The following ROBO1 variants were observed in gnomAD, a reference collection of about 807,000 sequenced individuals.
The protein encoded by ROBO1 is roundabout guidance receptor 1.
In ROBO1, 149 loss-of-function variants were observed where a neutral mutation model predicts 195.9. That is an observed-to-expected ratio of 0.76 (90% CI 0.67 to 0.87). The LOEUF (loss-of-function observed/expected upper bound fraction) is 0.87, where lower values mean the gene tolerates loss of function less well. Ranked by LOEUF, ROBO1 falls within the 40% of genes least tolerant of loss-of-function variation. ROBO1 has a pLI of 0.00. For missense variants in ROBO1, 1,933 were observed against 2,068.3 expected, an observed-to-expected ratio of 0.93 and a Z score of 1.27; for synonymous variants, 816 against 733.2, an observed-to-expected ratio of 1.11 and a Z score of -1.82.
intron 2 of ROBO1, among the ~76,000 whole-genome samples, chr3:79,553,479 T>C (rs1576014074): frequency 6.6e-6 from 1 of 152,102 alleles, no homozygotes; most frequent in Non-Finnish European, 1.5e-5. Context: ...CATAAAATTC[T>C]CATTCAAGAG....
At chr3:79,221,358 T>A (rs978695500) in intron 2 of ROBO1, among the ~76,000 whole-genome samples, 1 of 152,096 alleles carries the variant, frequency 6.6e-6, no homozygotes, top group Admixed American at 6.6e-5. Flanking sequence ...TTACATGAAT[T>A]ATAAGATATT....
chr3:79,479,982 A>G (rs150779400), intron 2 of ROBO1, among the ~76,000 whole-genome samples: 10 of 152,322 alleles, frequency 6.6e-5, no homozygotes, highest in African/African-American at 1.9e-4. Context: ...TACCTTAGTC[A>G]TTTTGACTAC....
chr3:79,480,932 T>C (rs1175588385), intron 2 of ROBO1, among the ~76,000 whole-genome samples: 2 of 152,150 alleles, frequency 1.3e-5, no homozygotes, highest in East Asian at 1.9e-4. Context: ...AGCAATTTCT[T>C]TCCAGCACAG....
intron 1 of ROBO1, among the ~76,000 whole-genome samples, chr3:79,622,045 C>T (rs1379968036): frequency 2.0e-5 from 3 of 152,156 alleles, no homozygotes; most frequent in Non-Finnish European, 4.4e-5. Flanking sequence ...AGGAGCCTGG[C>T]ATGACCCACA....
At chr3:79,335,686 G>T (rs186757715) in intron 2 of ROBO1, among the ~76,000 whole-genome samples, 2 of 152,224 alleles carry the variant, frequency 1.3e-5, no homozygotes, top group East Asian at 3.9e-4. Context: ...CAGGAGAATG[G>T]GCTAATACAG....
chr3:78,983,875 A>C (rs553089802), intron 3 of ROBO1, among the ~76,000 whole-genome samples: 1 of 152,284 alleles, frequency 6.6e-6, no homozygotes, highest in Admixed American at 6.5e-5. Flanking sequence ...AAAGTGAGGA[A>C]GGCAAGCTTC....
intron 2 of ROBO1, among the ~76,000 whole-genome samples, chr3:79,232,742 TAC>T (rs1458237623): frequency 1.3e-5 from 2 of 152,146 alleles, no homozygotes; most frequent in African/African-American, 4.8e-5. Flanking sequence ...TAGAATTTGA[TAC>T]AGAGCCAATG....
intron 4 of ROBO1, among the ~76,000 whole-genome samples, chr3:78,832,145 G>T (rs2032283733): frequency 4.6e-5 from 7 of 152,040 alleles, no homozygotes; most frequent in Admixed American, 4.6e-4. Context: ...AAACAAAAAA[G>T]AGTCACCCAA....
At chr3:79,556,045 A>G (rs1237516253) in intron 2 of ROBO1, among the ~76,000 whole-genome samples, 4 of 152,098 alleles carry the variant, frequency 2.6e-5, no homozygotes, top group Non-Finnish European at 5.9e-5. Flanking sequence ...CATGCAAGAG[A>G]ATGTATTATA....
chr3:79,630,574 G>A (rs1263067844), intron 1 of ROBO1, among the ~76,000 whole-genome samples: 2 of 151,916 alleles, frequency 1.3e-5, no homozygotes, highest in African/African-American at 4.8e-5. Context: ...CTTAATAACT[G>A]GAGAAAGACA....
intron 10 of ROBO1, among the ~76,000 whole-genome samples, chr3:78,683,989 C>A (rs144042897): frequency 3.7e-3 from 561 of 152,036 alleles, no homozygotes; most frequent in Non-Finnish European, 5.7e-3. Context: ...AGAAATATTT[C>A]CAATATACAT....
intron 5 of ROBO1, among the ~76,000 whole-genome samples, chr3:78,729,039 A>C (rs1472607850): frequency 3.9e-5 from 6 of 152,232 alleles, no homozygotes; most frequent in Non-Finnish European, 8.8e-5. Context: ...CTCTTTGCAC[A>C]GCTTGGTGAG....
chr3:79,000,601 G>A (rs574138228), intron 3 of ROBO1, among the ~76,000 whole-genome samples: 10 of 152,198 alleles, frequency 6.6e-5, no homozygotes, highest in East Asian at 1.9e-4. Flanking sequence ...TTAGAATGGC[G>A]ATCATTAAAA....
rs1944454735 is a variant in ROBO1 at position 79,605,495 on chromosome 3, T to C, written c.-50-15534A>G. On this transcript the variant is annotated intron_variant, in intron 1 of 30. Transcript: ENST00000464233. ...GAATTTAACATATTCAAACTTGAACTCTTGATTAAATCTTTCCCTTCATCT... is the reference window on the plus strand; with the variant it reads ...GAATTTAACATATTCAAACTTGAACCCTTGATTAAATCTTTCCCTTCATCT... 3.9e-5 allele frequency among the ~76,000 whole-genome samples: 6 copies of C among 152,070 alleles called. No individual in the cohort carries two copies. The South Asian group carries it at 1.2e-3, about 32-fold the overall frequency.
intron 1 of ROBO1, among the ~76,000 whole-genome samples, chr3:79,713,872 T>G (rs961929882): frequency 1.3e-5 from 2 of 152,192 alleles, no homozygotes; most frequent in African/African-American, 4.8e-5. Flanking sequence ...ATTGCTTGTT[T>G]TTGTCAGGTT....
At chr3:79,424,833 A>C (rs2038380097) in intron 2 of ROBO1, among the ~76,000 whole-genome samples, 1 of 152,162 alleles carries the variant, frequency 6.6e-6, no homozygotes, top group Non-Finnish European at 1.5e-5. Flanking sequence ...ATTAACTCTT[A>C]AAAATATGAA....
intron 2 of ROBO1, among the ~76,000 whole-genome samples, chr3:79,285,632 T>C (rs2031839941): frequency 1.3e-5 from 2 of 152,148 alleles, no homozygotes; most frequent in Non-Finnish European, 1.5e-5. Context: ...AGCCCTGGAA[T>C]TTTCCTTAAC....
intron 2 of ROBO1, among the ~76,000 whole-genome samples, chr3:79,312,173 T>C (rs1021946264): frequency 6.6e-6 from 1 of 152,204 alleles, no homozygotes. Flanking sequence ...ATTGATACAA[T>C]GAAGGTTCAA....
At chr3:79,206,597 A>G (rs2081872560) in intron 2 of ROBO1, among the ~76,000 whole-genome samples, 1 of 152,164 alleles carries the variant, frequency 6.6e-6, no homozygotes, top group Non-Finnish European at 1.5e-5. Context: ...GAGGACAAGG[A>G]GAGATCATTG....
Sources: gnomAD v4.1 joint callset for allele counts (sites outside exome capture counted in the v4.1 genomes callset) on GRCh38, gnomAD v4.1.1 for gene constraint, MANE v1.5 for transcripts, NCBI Gene and HGNC (gene_info 2026-07-23, HGNC 2026-07-21) for gene names.